Variants in CELF2 observed in about 807,000 individuals in gnomAD.
CELF2 encodes the protein CUG triplet repeat RNA-binding protein 2.
CELF2 carries 8 observed loss-of-function variants against 62.6 expected under a neutral mutation model. The observed-to-expected ratio is 0.13, with a 90% CI of 0.07 to 0.23. The LOEUF (loss-of-function observed/expected upper bound fraction) is 0.23, where lower values mean the gene tolerates loss of function less well. Among genes scored for constraint, CELF2 ranks in the 10% least tolerant of loss-of-function variants. The pLI is 1.00. For synonymous variants in CELF2, 258 were observed against 250.0 expected, an observed-to-expected ratio of 1.03 and a Z score of -0.30; for missense variants, 333 against 671.0, an observed-to-expected ratio of 0.50 and a Z score of 5.56.
At chr10:10,869,682 C>T (rs1326580822) in intron 1 of CELF2, among the ~76,000 whole-genome samples, 2 of 152,170 alleles carry the variant, frequency 1.3e-5, no homozygotes, top group Non-Finnish European at 2.9e-5. Context: ...TGAAAAATTA[C>T]AAAATAGGCA....
intron 1 of CELF2, among the ~76,000 whole-genome samples, chr10:11,045,973 C>T (rs1246629539): frequency 1.3e-5 from 2 of 152,072 alleles, no homozygotes; most frequent in Non-Finnish European, 2.9e-5. Context: ...TTCACTGAAG[C>T]CTCTAGGGGT....
chr10:11,284,031 T>C (rs2090113633), intron 8 of CELF2, among the ~76,000 whole-genome samples: 1 of 140,574 alleles, frequency 7.1e-6, no homozygotes, highest in Non-Finnish European at 1.5e-5. Context: ...GGATGATGGA[T>C]GAGTGTGTGG....
At chr10:10,918,132 A>G (rs1038413143) in intron 1 of CELF2, among the ~76,000 whole-genome samples, 2 of 152,228 alleles carry the variant, frequency 1.3e-5, no homozygotes, top group African/African-American at 4.8e-5. Context: ...TATTGAGTGT[A>G]TATGTCGGTC....
rs922562402 is a variant in CELF2, at chr10:11,260,712, C to T, written c.538+2840C>T. On this transcript the variant is annotated intron_variant, in intron 5 of 12. Coordinates refer to ENST00000633077, the MANE Select transcript of CELF2 (RefSeq NM_001326342.2). This position sits in a 1 kb window ranked among gnomAD's most constrained non-coding sequence, Gnocchi z 4.2. ...GTGAACTGATGAGAATTCCCTGTTG[C>T]AAAAAAAGAAAAATAAGAAAGAAAG... Among the ~76,000 whole-genome samples, 1 of 149,376 alleles carries T rather than the reference C, an allele frequency of 6.7e-6. No homozygotes were observed. The highest frequency in any genetic ancestry group is 6.6e-5 in the Admixed American group (1 of 15,040).
In CELF2 at chr10:11,255,319, C is replaced by T. The variant is rs926514281; in HGVS notation, c.404-2419C>T. 1.3e-5 allele frequency among the ~76,000 whole-genome samples: 2 copies of T among 152,194 alleles called. No homozygotes were observed. The highest frequency in any genetic ancestry group is 4.8e-5 in the African/African-American group (2 of 41,440). ...TCTGAACACAAGCAGTGGCTCAGGC[C>T]AGCTGATGCTTTCCTCACTGAGCTC... On this transcript the variant is annotated intron_variant, in intron 4 of 12. Transcript: ENST00000633077. The surrounding 1 kb of genome is among the most constrained non-coding windows in gnomAD (Gnocchi z 5.5).
chr10:10,958,173 A>C (rs1348699020), intron 2 of CELF2, among the ~76,000 whole-genome samples: 1 of 152,178 alleles, frequency 6.6e-6, no homozygotes, highest in Non-Finnish European at 1.5e-5. Context: ...TTCAACAAGA[A>C]AGAAAAACTT....
At chr10:10,794,045 C>T (rs2053999148), upstream of CELF2, among the ~76,000 whole-genome samples, 1 of 151,940 alleles carries the variant, frequency 6.6e-6, no homozygotes, top group Non-Finnish European at 1.5e-5. Context: ...AATTATTTGT[C>T]GTTTCTCTGA....
rs1348158594 is a variant in CELF2 at position 11,285,875 on chromosome 10, GTGTTTT to G, written c.842-2541_842-2536del. Among the ~76,000 whole-genome samples, 52 of 100,230 alleles carry G rather than the reference GTGTTTT, an allele frequency of 5.2e-4. 1 individual carries two copies. The highest frequency in any genetic ancestry group is 1.6e-3 in the Admixed American group (17 of 10,660). 65.8% of individuals were successfully genotyped at this position (100,230 alleles called of 152,430 possible). On this transcript the variant is annotated intron_variant, in intron 8 of 12. Coordinates refer to ENST00000633077, the MANE Select transcript of CELF2 (RefSeq NM_001326342.2). This position sits in a 1 kb window ranked among gnomAD's most constrained non-coding sequence, Gnocchi z 4.3. ...TGTGTGTGTGTGTGTGTGTGTGTGT[GTGTTTT>G]TACATGGACTTGAAAATGAGTAAGA...
chr10:10,948,666 C>T (rs577141341), intron 2 of CELF2, among the ~76,000 whole-genome samples: 79 of 152,278 alleles, frequency 5.2e-4, no homozygotes, highest in African/African-American at 1.9e-3. Flanking sequence ...TTGCATGAAG[C>T]TCCATGGTTT....
the CELF2 span, among the ~76,000 whole-genome samples, chr10:10,474,486 G>A: frequency 6.6e-6 from 1 of 152,040 alleles, no homozygotes; most frequent in Non-Finnish European, 1.5e-5. Flanking sequence ...ACAATTCTGT[G>A]TTTTAGTGTG....
At chr10:11,225,374 C>T (rs1281132160) in intron 3 of CELF2, among the ~76,000 whole-genome samples, 1 of 152,154 alleles carries the variant, frequency 6.6e-6, no homozygotes, top group Non-Finnish European at 1.5e-5. Flanking sequence ...ATCTGCAAAA[C>T]AAAAATGGTT....
chr10:10,500,259 A>G, the CELF2 span, among the ~76,000 whole-genome samples: 2 of 152,250 alleles, frequency 1.3e-5, no homozygotes, highest in Admixed American at 1.3e-4. Flanking sequence ...ATATAGTTAC[A>G]AGAAATAATT....
At chr10:10,652,816 A>G in the CELF2 span, among the ~76,000 whole-genome samples, 3 of 152,094 alleles carry the variant, frequency 2.0e-5, no homozygotes, top group Admixed American at 1.3e-4. Flanking sequence ...TGCATCAACT[A>G]AAGAGCAAAA....
intron 1 of CELF2, among the ~76,000 whole-genome samples, chr10:10,840,415 G>T (rs1244270929): frequency 6.6e-6 from 1 of 152,186 alleles, no homozygotes; most frequent in Non-Finnish European, 1.5e-5. Flanking sequence ...TAGGTATTTA[G>T]TGGTATCTCA....
chr10:11,039,799 G>A lies in CELF2; in HGVS notation c.74+21636G>A, dbSNP rs1300929881. Among the ~76,000 whole-genome samples the A allele has an allele frequency of 2.0e-5, 3 of 152,102 alleles. No individual in the cohort carries two copies. The highest frequency in any genetic ancestry group is 1.3e-4 in the Admixed American group (2 of 15,272). ...CATTTTTGTAAATTCCATTGCCACT[G>A]GAGGAAACCATGGACCAGAGTAACC... On this transcript the variant is annotated intron_variant, in intron 1 of 12. Transcript: ENST00000633077. This position sits in a 1 kb window ranked among gnomAD's most constrained non-coding sequence, Gnocchi z 4.1.
At chr10:10,827,070 C>T (rs955520630) in intron 1 of CELF2, among the ~76,000 whole-genome samples, 3 of 151,408 alleles carry the variant, frequency 2.0e-5, no homozygotes, top group Non-Finnish European at 4.4e-5. Context: ...TCTGCGCCCT[C>T]CTGGAAATTT....
chr10:11,034,473 T>C (rs2060640065), intron 1 of CELF2, among the ~76,000 whole-genome samples: 1 of 150,288 alleles, frequency 6.7e-6, no homozygotes. Context: ...TTGCTGTGTC[T>C]AGATCCCTCC....
intron 11 of CELF2, among the ~76,000 whole-genome samples, chr10:11,323,320 A>T (rs2095542714): frequency 6.6e-6 from 1 of 151,902 alleles, no homozygotes; most frequent in Admixed American, 6.6e-5. Flanking sequence ...CTCTCTTCTG[A>T]TCCCTTTCTC....
rs547378196 is a variant in CELF2 at position 11,209,583 on chromosome 10, T to G, written c.272-7842T>G. Reference sequence around the variant, plus strand: ...AGGACTACTCTTTTTTTTTTTTTTTTAAGGTTAATGCTAAGTTTTCTTGAA... The same window carrying G: ...AGGACTACTCTTTTTTTTTTTTTTTGAAGGTTAATGCTAAGTTTTCTTGAA... On this transcript the variant is annotated intron_variant, in intron 2 of 12. Coordinates refer to ENST00000633077, the MANE Select transcript of CELF2 (RefSeq NM_001326342.2). Among the ~76,000 whole-genome samples, 33 of 150,784 alleles carry G rather than the reference T, an allele frequency of 2.2e-4. 2 individuals are homozygous for G. The highest frequency in any genetic ancestry group is 1.3e-3 in the Admixed American group (20 of 15,142).
Sources: gnomAD v4.1 joint callset for allele counts (sites outside exome capture counted in the v4.1 genomes callset) on GRCh38, gnomAD v4.1.1 for gene constraint, Gnocchi (gnomAD v3.1) non-coding constraint, MANE v1.5 for transcripts, NCBI Gene and HGNC (gene_info 2026-07-23, HGNC 2026-07-21) for gene names.